SCHIP1: variants seen among roughly 807,000 people sequenced by gnomAD.
SCHIP1 encodes the protein schwannomin-interacting protein 1.
A neutral mutation model predicts 29.7 loss-of-function variants in SCHIP1; 8 were observed. The ratio of observed to expected loss-of-function variants is 0.27; its 90% confidence interval spans 0.16 to 0.49. The LOEUF is 0.49. SCHIP1 is among the 20% of genes least tolerant of loss of function. SCHIP1 has a pLI of 0.99. For synonymous variants in SCHIP1, 76 were observed against 94.9 expected (o/e 0.80, Z 1.16); for missense variants, 193 against 294.6 (o/e 0.66, Z 2.52).
the SCHIP1 span, among the ~76,000 whole-genome samples, chr3:159,638,693 C>G: frequency 0.13 from 19,708 of 151,674 alleles, 3,469 homozygotes; most frequent in African/African-American, 0.4. Flanking sequence ...TTGAGCCTGT[C>G]CCACTTAGTC....
At chr3:159,526,220 C>G in the SCHIP1 span, among the ~76,000 whole-genome samples, 1 of 152,164 alleles carries the variant, frequency 6.6e-6, no homozygotes, top group Non-Finnish European at 1.5e-5. Context: ...CTTTATTGCC[C>G]AGGCTGAATT....
the SCHIP1 span, among the ~76,000 whole-genome samples, chr3:159,826,565 T>G: frequency 6.6e-6 from 1 of 152,174 alleles, no homozygotes; most frequent in Non-Finnish European, 1.5e-5. Flanking sequence ...TGGTAGATGG[T>G]GTTCATTTTC....
chr3:159,296,463 G>C, the SCHIP1 span, among the ~76,000 whole-genome samples: 1 of 152,074 alleles, frequency 6.6e-6, no homozygotes, highest in Non-Finnish European at 1.5e-5. Context: ...ATGTATGTGT[G>C]GTAAGGACAC....
the SCHIP1 span, among the ~76,000 whole-genome samples, chr3:159,563,213 C>G: frequency 6.6e-6 from 1 of 152,160 alleles, no homozygotes; most frequent in Non-Finnish European, 1.5e-5. Flanking sequence ...GAATGTAATA[C>G]TTACATTTCT....
At chr3:159,376,854 ACTGAGAAAAGCACG>A in the SCHIP1 span, among the ~76,000 whole-genome samples, 1 of 152,090 alleles carries the variant, frequency 6.6e-6, no homozygotes, top group Admixed American at 6.5e-5. Flanking sequence ...GAAAATACTC[ACTGAGAAAAGCACG>A]CTTTATAAGA....
the SCHIP1 span, among the ~76,000 whole-genome samples, chr3:159,415,934 C>A: frequency 6.6e-6 from 1 of 152,038 alleles, no homozygotes; most frequent in African/African-American, 2.4e-5. Flanking sequence ...GTGCACATGC[C>A]GAAGATCTAC....
At chr3:159,418,262 T>C in the SCHIP1 span, among the ~76,000 whole-genome samples, 1 of 152,208 alleles carries the variant, frequency 6.6e-6, no homozygotes, top group Non-Finnish European at 1.5e-5. Flanking sequence ...ATTTAGGTTG[T>C]TTCCAGCTTT....
chr3:159,615,135 G>A, the SCHIP1 span, among the ~76,000 whole-genome samples: 5 of 152,310 alleles, frequency 3.3e-5, no homozygotes, highest in Admixed American at 3.3e-4. Context: ...GTAGAGGTAA[G>A]GGCATTCCAG....
the SCHIP1 span, among the ~76,000 whole-genome samples, chr3:159,596,449 G>A: frequency 6.6e-6 from 1 of 152,078 alleles, no homozygotes; most frequent in African/African-American, 2.4e-5. Flanking sequence ...CTATTACTAG[G>A]CATATACCCA....
the SCHIP1 span, among the ~76,000 whole-genome samples, chr3:159,756,963 A>G: frequency 1.3e-5 from 2 of 152,232 alleles, no homozygotes; most frequent in Non-Finnish European, 2.9e-5. Flanking sequence ...TATCACTATC[A>G]GCATTTTTGG....
chr3:159,381,849 CA>C, the SCHIP1 span, among the ~76,000 whole-genome samples: 1 of 152,138 alleles, frequency 6.6e-6, no homozygotes, highest in Non-Finnish European at 1.5e-5. Context: ...CTGCCCACCT[CA>C]GCTTCCCAAA....
At chr3:159,660,813 G>T in the SCHIP1 span, among the ~76,000 whole-genome samples, 1 of 152,230 alleles carries the variant, frequency 6.6e-6, no homozygotes, top group East Asian at 1.9e-4. Context: ...TCTTTTAGAA[G>T]TTGGCCCAAA....
chr3:159,864,904 A>C (rs960573283), intron 1 of SCHIP1, among the ~76,000 whole-genome samples: 18 of 152,190 alleles, frequency 1.2e-4, no homozygotes, highest in Non-Finnish European at 2.4e-4. Flanking sequence ...AATATTAATT[A>C]ATTAATTCTT....
the SCHIP1 span, chr3:159,375,661 C>T: frequency 1.2e-4 from 29 of 237,770 alleles, no homozygotes; most frequent in Non-Finnish European, 1.5e-4. Flanking sequence ...CGCTTGAACC[C>T]GGGAGGCGGA....
the SCHIP1 span, among the ~76,000 whole-genome samples, chr3:159,397,837 C>G: frequency 1.3e-5 from 2 of 152,252 alleles, no homozygotes; most frequent in African/African-American, 4.8e-5. Context: ...CCTCTTTGAG[C>G]TGTGGTGGGC....
chr3:159,582,471 G>T, the SCHIP1 span, among the ~76,000 whole-genome samples: 133 of 152,160 alleles, frequency 8.7e-4, 1 homozygote, highest in South Asian at 0.014. Flanking sequence ...CCATCTGAAG[G>T]CTCGGATGAT....
chr3:159,476,140 GT>G, the SCHIP1 span, among the ~76,000 whole-genome samples: 3 of 152,182 alleles, frequency 2.0e-5, no homozygotes, highest in Non-Finnish European at 2.9e-5. Context: ...ATGTTTCTTA[GT>G]GGGCAGCTCC....
the SCHIP1 span, among the ~76,000 whole-genome samples, chr3:159,292,727 C>T: frequency 5.3e-5 from 8 of 152,174 alleles, no homozygotes; most frequent in African/African-American, 1.7e-4. Flanking sequence ...AATATGTAAT[C>T]GGTTTCCCTA....
chr3:159,291,249 G>GCAACAGTA, the SCHIP1 span, among the ~76,000 whole-genome samples: 53 of 152,172 alleles, frequency 3.5e-4, no homozygotes, highest in African/African-American at 1.2e-3. Context: ...GAATAAATAT[G>GCAACAGTA]TAAAAGCCTA....
Sources: allele counts gnomAD v4.1 joint callset (sites outside exome capture counted in the v4.1 genomes callset), GRCh38; gene constraint gnomAD v4.1.1; transcripts MANE v1.5; gene names NCBI Gene and HGNC (gene_info 2026-07-23, HGNC 2026-07-21).